MORC1: variants seen among roughly 807,000 people sequenced by gnomAD.
The protein encoded by MORC1 is MORC family CW-type zinc finger 1, also known as MORC family CW-type zinc finger protein 1.
MORC1 carries 59 observed loss-of-function variants against 134.9 expected under a neutral mutation model. The observed-to-expected ratio is 0.44, with a 90% confidence interval of 0.35 to 0.54. The LOEUF (loss-of-function observed/expected upper bound fraction) is 0.54. MORC1 is among the 20% of genes least tolerant of loss of function. The probability of loss-of-function intolerance (pLI) is 0.00; values close to 1 mark genes in which losing one functional copy is unlikely to be tolerated. For missense variants in MORC1, 947 were observed against 1,134.5 expected (o/e 0.83, Z 2.37); for synonymous variants, 395 against 391.7 (o/e 1.01, Z -0.10).
intron 17 of MORC1, among the ~76,000 whole-genome samples, chr3:109,011,914 A>G (rs926963378): frequency 1.3e-5 from 2 of 152,156 alleles, no homozygotes; most frequent in Non-Finnish European, 2.9e-5. Flanking sequence ...TTGACTTTTC[A>G]ATTTCTTAAC....
At chr3:108,963,639 G>T in intron 26 of MORC1, 31 bp from the exon 27 acceptor site, 2 of 1,385,742 alleles carry the variant, frequency 1.4e-6, no homozygotes, top group African/African-American at 1.5e-5. Context: ...GTTTTAGCAT[G>T]TTTTTAAAAT....
At chr3:109,038,610 T>G (rs1047976295) in intron 14 of MORC1, among the ~76,000 whole-genome samples, 1 of 152,214 alleles carries the variant, frequency 6.6e-6, no homozygotes, top group Non-Finnish European at 1.5e-5. Flanking sequence ...GAGTTAATTT[T>G]TGTAAAGGGT....
Position 109,000,763 on chromosome 3 carries a change from T to C in MORC1, c.2086-105A>G, listed in dbSNP as rs370655021. The C allele has an allele frequency of 2.8e-4, 224 of 808,732 alleles. No homozygotes were observed. The African/African-American group carries it at 3.6e-3, about 13-fold the overall frequency. 50.1% of individuals were successfully genotyped at this position (808,732 alleles called of 1,614,324 possible). On this transcript the variant is annotated intron_variant, in intron 20 of 27. Transcript: ENST00000232603. ...TCTGCCTCTACTTACTGCAGACTTT[T>C]GTAGGATATATAGCGAAAATTCAAT...
chr3:109,106,899 A>G (rs1409213612), intron 3 of MORC1, among the ~76,000 whole-genome samples: 2 of 152,042 alleles, frequency 1.3e-5, no homozygotes, highest in African/African-American at 4.8e-5. Context: ...TGGCTTCCCA[A>G]TGCTCTCAGG....
At chr3:109,011,319 C>A (rs181105979) in intron 17 of MORC1, among the ~76,000 whole-genome samples, 1 of 152,150 alleles carries the variant, frequency 6.6e-6, no homozygotes, top group Non-Finnish European at 1.5e-5. Flanking sequence ...GTCAACATAG[C>A]GTAATCATTT....
chr3:109,087,105 C>T (rs1950628741), intron 8 of MORC1, among the ~76,000 whole-genome samples: 1 of 152,002 alleles, frequency 6.6e-6, no homozygotes, highest in South Asian at 2.1e-4. Flanking sequence ...CTAATTGAAG[C>T]TCCTCCCTTC....
chr3:108,975,822 A>G (rs1947534683), intron 24 of MORC1, among the ~76,000 whole-genome samples: 1 of 152,040 alleles, frequency 6.6e-6, no homozygotes, highest in African/African-American at 2.4e-5. Context: ...TACTACTCCA[A>G]TGTTTAGGAT....
intron 16 of MORC1, among the ~76,000 whole-genome samples, 192 bp from the exon 17 acceptor site, chr3:109,028,081 A>C (rs1949129232): frequency 6.6e-6 from 1 of 152,220 alleles, no homozygotes; most frequent in Non-Finnish European, 1.5e-5. Flanking sequence ...CATGGAAAAC[A>C]GCCTAATAAA....
At chr3:109,044,335 G>T (rs1481287612) in intron 14 of MORC1, among the ~76,000 whole-genome samples, 2 of 151,800 alleles carry the variant, frequency 1.3e-5, no homozygotes, top group East Asian at 3.9e-4. Context: ...GAGGCGGGCG[G>T]ATCGCGAGGT....
intron 16 of MORC1, among the ~76,000 whole-genome samples, chr3:109,031,789 C>A (rs180832557): frequency 5.1e-4 from 78 of 152,230 alleles, no homozygotes; most frequent in Middle Eastern, 3.4e-3. Context: ...TCAATCAGGA[C>A]AGTTTTGCAT....
intron 27 of MORC1, 134 bp from the exon 28 acceptor site, chr3:108,959,254 TTAACC>T (rs1426078882): frequency 1.5e-6 from 1 of 656,414 alleles, no homozygotes; most frequent in Non-Finnish European, 2.4e-6. Context: ...AATCATGCTT[TTAACC>T]TTTCAAAAGG....
chr3:108,998,223 G>C (rs1158447893), intron 21 of MORC1, among the ~76,000 whole-genome samples: 2 of 152,170 alleles, frequency 1.3e-5, no homozygotes, highest in Admixed American at 1.3e-4. Context: ...GTCAATATGT[G>C]CCTTCCAGTT....
At chr3:109,021,484 A>C (rs1296422273) in intron 17 of MORC1, among the ~76,000 whole-genome samples, 4 of 152,176 alleles carry the variant, frequency 2.6e-5, no homozygotes, top group Non-Finnish European at 4.4e-5. Context: ...TCCTTCTGGG[A>C]GGAAAAATGT....
At chr3:109,096,355 G>T (rs1950830923) in intron 6 of MORC1, among the ~76,000 whole-genome samples, 1 of 152,110 alleles carries the variant, frequency 6.6e-6, no homozygotes, top group East Asian at 1.9e-4. Context: ...CAAGATACAG[G>T]TCACAAAGAC....
At chr3:109,044,505 C>A (rs1279648344) in intron 14 of MORC1, among the ~76,000 whole-genome samples, 2 of 150,818 alleles carry the variant, frequency 1.3e-5, no homozygotes, top group Admixed American at 1.3e-4. Flanking sequence ...TTGCAGTGAG[C>A]CGATATCACG....
intron 27 of MORC1, among the ~76,000 whole-genome samples, chr3:108,959,982 A>G (rs1049696001): frequency 2.0e-5 from 3 of 152,208 alleles, no homozygotes; most frequent in East Asian, 1.9e-4. Context: ...TCCCCAATGG[A>G]GAGCCTATAA....
chr3:109,033,289 GAA>G (rs1436909442), intron 15 of MORC1, among the ~76,000 whole-genome samples: 1,021 of 24,922 alleles, frequency 0.041, 12 homozygotes, highest in African/African-American at 0.066. Context: ...AAGAAAGGAG[GAA>G]GGAAGGAAGG....
chr3:109,063,853 A>C (rs915634442), intron 9 of MORC1, among the ~76,000 whole-genome samples: 1 of 152,142 alleles, frequency 6.6e-6, no homozygotes, highest in Non-Finnish European at 1.5e-5. Flanking sequence ...ACAGAACCTG[A>C]GGTTCTCTGA....
chr3:109,043,194 G>GT (rs1949600228), intron 14 of MORC1, among the ~76,000 whole-genome samples: 1 of 124,190 alleles, frequency 8.1e-6, no homozygotes, highest in African/African-American at 3.1e-5. Context: ...AATGTGGGGG[G>GT]GGGGGGGTGT....
Sources: gnomAD v4.1 joint callset for allele counts (sites outside exome capture counted in the v4.1 genomes callset) on GRCh38, gnomAD v4.1.1 for gene constraint, MANE v1.5 for transcripts, NCBI Gene and HGNC (gene_info 2026-07-23, HGNC 2026-07-21) for gene names.